Variants in EPHA6 observed in about 807,000 individuals in gnomAD.
The protein encoded by EPHA6 is EPH receptor A6.
In EPHA6, 50 loss-of-function variants were observed where a neutral mutation model predicts 112.0. The observed-to-expected ratio is 0.45, with a 90% CI of 0.36 to 0.56. The LOEUF (loss-of-function observed/expected upper bound fraction) is 0.56, where lower values mean the gene tolerates loss of function less well. EPHA6 is among the 20% of genes least tolerant of loss of function. The pLI is 0.00. For missense variants in EPHA6, 1,280 were observed against 1,417.4 expected (o/e 0.90, Z 1.56); for synonymous variants, 529 against 490.7 (o/e 1.08, Z -1.03).
intron 11 of EPHA6, among the ~76,000 whole-genome samples, chr3:97,557,681 A>G (rs992550544): frequency 6.6e-6 from 1 of 151,088 alleles, no homozygotes; most frequent in Non-Finnish European, 1.5e-5. Flanking sequence ...CCTCATTTTT[A>G]TTTCTCTCCT....
At chr3:97,008,943 C>T (rs932366776) in intron 3 of EPHA6, among the ~76,000 whole-genome samples, 1 of 151,996 alleles carries the variant, frequency 6.6e-6, no homozygotes, top group African/African-American at 2.4e-5. Flanking sequence ...ATCTGATTCG[C>T]CCCCCTGCCT....
At chr3:96,941,889 A>G (rs886394739) in intron 2 of EPHA6, among the ~76,000 whole-genome samples, 4 of 152,192 alleles carry the variant, frequency 2.6e-5, no homozygotes, top group Non-Finnish European at 4.4e-5. Context: ...CCTGGGTACC[A>G]GCAGCGGTGG....
At chr3:97,146,886 TA>T (rs2076055796) in intron 3 of EPHA6, among the ~76,000 whole-genome samples, 2 of 150,138 alleles carry the variant, frequency 1.3e-5, no homozygotes, top group Non-Finnish European at 2.9e-5. Flanking sequence ...AAAAGAAAAA[TA>T]ATTACAATGT....
chr3:97,611,032 G>A (rs1323080633), intron 13 of EPHA6, among the ~76,000 whole-genome samples, 178 bp downstream of exon 13: 3 of 151,636 alleles, frequency 2.0e-5, no homozygotes, highest in Non-Finnish European at 4.4e-5. Context: ...TACTAAGGGG[G>A]GAGGATGTAC....
intron 3 of EPHA6, among the ~76,000 whole-genome samples, chr3:97,004,404 GC>G (rs1447782677): frequency 6.6e-6 from 1 of 152,212 alleles, no homozygotes; most frequent in East Asian, 1.9e-4. Context: ...ATGCTGTTGA[GC>G]TTTTTTTCAT....
intron 3 of EPHA6, among the ~76,000 whole-genome samples, chr3:97,216,015 A>C (rs952648689): frequency 2.6e-5 from 4 of 152,222 alleles, no homozygotes; most frequent in African/African-American, 4.8e-5. Context: ...GAGAAAGGGA[A>C]AAGAAACTAC....
intron 5 of EPHA6, among the ~76,000 whole-genome samples, chr3:97,245,449 G>A (rs2078961050): frequency 6.6e-6 from 1 of 151,854 alleles, no homozygotes; most frequent in African/African-American, 2.4e-5. Context: ...CTCATTCTGA[G>A]GTCCTAGGGG....
intron 3 of EPHA6, among the ~76,000 whole-genome samples, chr3:97,061,780 CATTT>C (rs1352370127): frequency 1.1e-4 from 16 of 152,100 alleles, no homozygotes; most frequent in African/African-American, 3.6e-4. Flanking sequence ...TTCATTCATT[CATTT>C]AACAGCTGCT....
intron 7 of EPHA6, among the ~76,000 whole-genome samples, chr3:97,451,139 C>T (rs2090514248): frequency 6.6e-6 from 1 of 151,874 alleles, no homozygotes; most frequent in African/African-American, 2.4e-5. Flanking sequence ...GGGGCCAAAC[C>T]AAGAGCACTT....
intron 14 of EPHA6, among the ~76,000 whole-genome samples, chr3:97,684,012 C>T (rs889634246): frequency 2.6e-5 from 4 of 152,104 alleles, no homozygotes; most frequent in African/African-American, 9.7e-5. Flanking sequence ...CACTTAGGTG[C>T]TGCTTGAAAA....
chr3:97,648,293 T>C, intron 14 of EPHA6: 1 of 1,204,444 alleles, frequency 8.3e-7, no homozygotes, highest in Non-Finnish European at 1.2e-6. Flanking sequence ...TAGGACCTCT[T>C]CCAAACTCTA....
chr3:97,723,540 T>C (rs2034623787), intron 15 of EPHA6, among the ~76,000 whole-genome samples: 1 of 152,184 alleles, frequency 6.6e-6, no homozygotes, highest in Non-Finnish European at 1.5e-5. Context: ...GGATTGCCAA[T>C]GCTCACAGCA....
At chr3:96,865,693 A>G (rs9842296) in intron 1 of EPHA6, among the ~76,000 whole-genome samples, 1 of 132,696 alleles carries the variant, frequency 7.5e-6, no homozygotes, top group Non-Finnish European at 1.5e-5. Context: ...TAAAAAACAA[A>G]CAAAAAAAAA....
At chr3:96,919,033 A>G (rs1482930095) in intron 2 of EPHA6, among the ~76,000 whole-genome samples, 2 of 151,942 alleles carry the variant, frequency 1.3e-5, no homozygotes, top group Non-Finnish European at 2.9e-5. Flanking sequence ...TGCTGTCACA[A>G]TTTCTTTAAG....
chr3:96,967,244 T>C (rs572640126), intron 2 of EPHA6, among the ~76,000 whole-genome samples: 7 of 150,208 alleles, frequency 4.7e-5, no homozygotes, highest in African/African-American at 1.7e-4. Flanking sequence ...GAAATTATTA[T>C]ATAATTTTAG....
intron 3 of EPHA6, among the ~76,000 whole-genome samples, chr3:97,154,177 A>AG (rs1180364323): frequency 2.0e-5 from 3 of 150,676 alleles, no homozygotes; most frequent in Non-Finnish European, 4.4e-5. Context: ...AAAAAAAAAA[A>AG]AAAATATCAG....
At chr3:97,456,662 G>C (rs2090696862) in intron 7 of EPHA6, among the ~76,000 whole-genome samples, 1 of 152,054 alleles carries the variant, frequency 6.6e-6, no homozygotes, top group Non-Finnish European at 1.5e-5. Flanking sequence ...AGGAAACAAA[G>C]GAGATAATAT....
At chr3:97,325,198 C>G (rs1490491844) in intron 5 of EPHA6, among the ~76,000 whole-genome samples, 1 of 152,006 alleles carries the variant, frequency 6.6e-6, no homozygotes. Flanking sequence ...CATTACTTTG[C>G]TAGGGTTGCC....
At chr3:96,961,079 T>C (rs181204906) in intron 2 of EPHA6, among the ~76,000 whole-genome samples, 35 of 152,164 alleles carry the variant, frequency 2.3e-4, no homozygotes, top group Non-Finnish European at 1.0e-4. Context: ...ATGGTTGACC[T>C]AGAAGTATTA....
Sources: gnomAD v4.1 joint callset for allele counts (sites outside exome capture counted in the v4.1 genomes callset) on GRCh38, gnomAD v4.1.1 for gene constraint, MANE v1.5 for transcripts, NCBI Gene and HGNC (gene_info 2026-07-23, HGNC 2026-07-21) for gene names.